CX3CL1: variants seen among roughly 807,000 people sequenced by gnomAD.
CX3CL1 encodes C-X3-C motif chemokine ligand 1.
Under a neutral mutation model 14.1 loss-of-function variants are expected in CX3CL1, and 1 was observed. That is an observed-to-expected ratio of 0.07 (90% CI 0.03 to 0.34). The LOEUF is 0.34. Among genes scored for constraint, CX3CL1 ranks in the 10% least tolerant of loss-of-function variants. CX3CL1 has a pLI of 0.99. For missense variants in CX3CL1, 505 were observed against 536.4 expected, an observed-to-expected ratio of 0.94 and a Z score of 0.58; for synonymous variants, 255 against 229.6, an observed-to-expected ratio of 1.11 and a Z score of -1.00.
In CX3CL1 at chr16:57,382,173, C is replaced by A; in HGVS notation, c.335C>A (p.Pro112His). 1 of 1,613,682 alleles carries A rather than the reference C, an allele frequency of 6.2e-7. No individual in the cohort carries two copies. Among genetic ancestry groups the A allele is most frequent in the Non-Finnish European group, 8.5e-7 (1 of 1,179,928 alleles). The stretch of plus-strand genomic sequence containing the variant: ...GAGAAGCAGATCGGCGAGGTGAAGC[C>A]CAGGACCACCCCTGCCGCCGGGGGA... ...TFEKQIGEVKPRTTPAAGGMD... is the reference protein window; with the variant it reads ...TFEKQIGEVKHRTTPAAGGMD... Residue 112 changes from proline to histidine, a missense_variant, in exon 3 of 3, where the codon CCC (proline) becomes CAC (histidine). Coordinates refer to ENST00000006053, the MANE Select transcript of CX3CL1 (RefSeq NM_002996.6). The surrounding 1 kb of genome is among the most constrained non-coding windows in gnomAD (Gnocchi z 6.9).
In CX3CL1 at chr16:57,382,603, G is replaced by A; in HGVS notation, c.765G>A (p.Arg255=). 6.2e-7 allele frequency: 1 copy of A among 1,613,968 alleles called. No individual in the cohort carries two copies. Among genetic ancestry groups the A allele is most frequent in the East Asian group, 2.2e-5 (1 of 44,882 alleles). The change falls in exon 3 of 3, where the codon AGG becomes AGA. Residue 255 remains arginine (R), a synonymous_variant. Transcript: ENST00000006053. This position sits in a 1 kb window ranked among gnomAD's most constrained non-coding sequence, Gnocchi z 6.9. ...QRVWGQGQSP[R]PENSLEREEM... is the part of the protein sequence containing the mutation. ...TGTGGGGTCAGGGACAGAGCCCCAG[G>A]CCAGAGAACTCTCTGGAGCGGGAGG...
At chr16:57,375,138 T>G (rs1219409015) in intron 1 of CX3CL1, among the ~76,000 whole-genome samples, 1 of 95,304 alleles carries the variant, frequency 1.0e-5, no homozygotes, top group Admixed American at 1.1e-4. Context: ...AGAGTCCATT[T>G]AAAAAAAAAA....
chr16:57,381,152 C>G (rs1902315075), intron 2 of CX3CL1, among the ~76,000 whole-genome samples: 1 of 152,260 alleles, frequency 6.6e-6, no homozygotes, highest in South Asian at 2.1e-4. Context: ...TACTTCACCT[C>G]TCTGAGCCTT....
Sources: allele counts gnomAD v4.1 joint callset (sites outside exome capture counted in the v4.1 genomes callset), GRCh38; gene constraint gnomAD v4.1.1; non-coding constraint Gnocchi (gnomAD v3.1); transcripts MANE v1.5; gene names NCBI Gene and HGNC (gene_info 2026-07-23, HGNC 2026-07-21).